Variants in PRKG1 observed in about 807,000 individuals in gnomAD.
The protein encoded by PRKG1 is cGMP-dependent protein kinase 1.
A neutral mutation model predicts 88.1 loss-of-function variants in PRKG1; 35 were observed. The ratio of observed to expected loss-of-function variants is 0.40; its 90% CI spans 0.30 to 0.53. The LOEUF (loss-of-function observed/expected upper bound fraction) is 0.53, where lower values mean the gene tolerates loss of function less well. PRKG1 is among the 20% of genes least tolerant of loss of function. The probability of loss-of-function intolerance (pLI) is 0.59; values close to 1 mark genes in which losing one functional copy is unlikely to be tolerated. For missense variants in PRKG1, 540 were observed against 839.8 expected, an observed-to-expected ratio of 0.64 and a Z score of 4.41; for synonymous variants, 303 against 292.5, an observed-to-expected ratio of 1.04 and a Z score of -0.37.
chr10:51,507,779 G>T (rs1841268332), intron 3 of PRKG1, among the ~76,000 whole-genome samples: 1 of 152,078 alleles, frequency 6.6e-6, no homozygotes, highest in South Asian at 2.1e-4. Context: ...GAAAAGGAAG[G>T]CTAGAGCTCT....
chr10:51,019,376 CA>C (rs1350807230), intron 1 of PRKG1, among the ~76,000 whole-genome samples: 1 of 151,960 alleles, frequency 6.6e-6, no homozygotes, highest in African/African-American at 2.4e-5. Context: ...ACAAGGCTAC[CA>C]AGACCATTCA....
At chr10:51,218,608 C>G (rs1209434969) in intron 2 of PRKG1, among the ~76,000 whole-genome samples, 1 of 146,282 alleles carries the variant, frequency 6.8e-6, no homozygotes, top group African/African-American at 2.5e-5. Flanking sequence ...AAAACAAGAT[C>G]AGTGATGGGT....
At chr10:51,050,370 C>T (rs1407223481) in intron 1 of PRKG1, among the ~76,000 whole-genome samples, 1 of 152,036 alleles carries the variant, frequency 6.6e-6, no homozygotes, top group Non-Finnish European at 1.5e-5. Flanking sequence ...TCTGCCTCTA[C>T]ACATCTGACT....
At chr10:52,101,489 T>C (rs762207435) in intron 7 of PRKG1, among the ~76,000 whole-genome samples, 4 of 152,178 alleles carry the variant, frequency 2.6e-5, no homozygotes, top group Non-Finnish European at 5.9e-5. Flanking sequence ...ACTGCATAAA[T>C]TCATATAAAC....
At chr10:52,103,630 T>C (rs1847346444) in intron 7 of PRKG1, among the ~76,000 whole-genome samples, 1 of 152,112 alleles carries the variant, frequency 6.6e-6, no homozygotes, top group Non-Finnish European at 1.5e-5. Flanking sequence ...TCAACAGCAG[T>C]CTATTAGTAG....
intron 2 of PRKG1, among the ~76,000 whole-genome samples, chr10:51,268,424 C>A (rs1347969823): frequency 2.0e-5 from 3 of 152,064 alleles, no homozygotes; most frequent in Non-Finnish European, 4.4e-5. Flanking sequence ...AGACGGCTGC[C>A]CCTGAAGCGG....
At chr10:51,309,346 A>G (rs746154242) in intron 2 of PRKG1, among the ~76,000 whole-genome samples, 1 of 152,202 alleles carries the variant, frequency 6.6e-6, no homozygotes, top group African/African-American at 2.4e-5. Context: ...CATCCAACAG[A>G]AAACTAATAT....
At chr10:51,951,536 T>C (rs1244307434) in intron 5 of PRKG1, among the ~76,000 whole-genome samples, 4 of 152,208 alleles carry the variant, frequency 2.6e-5, no homozygotes, top group African/African-American at 9.6e-5. Context: ...CACATGTATT[T>C]ATAATAAATA....
intron 9 of PRKG1, among the ~76,000 whole-genome samples, chr10:52,231,938 A>G (rs12359152): frequency 2.6e-5 from 4 of 152,348 alleles, no homozygotes; most frequent in Admixed American, 6.5e-5. Flanking sequence ...TTTAGGGGGA[A>G]AAAAGTTAAC....
intron 2 of PRKG1, among the ~76,000 whole-genome samples, chr10:51,441,447 A>G (rs900976453): frequency 2.6e-5 from 4 of 151,910 alleles, no homozygotes; most frequent in Non-Finnish European, 5.9e-5. Flanking sequence ...AATTCTATTG[A>G]CATTCCTCCC....
intron 2 of PRKG1, among the ~76,000 whole-genome samples, chr10:51,275,049 TCA>T: frequency 6.6e-6 from 1 of 152,238 alleles, no homozygotes; most frequent in Non-Finnish European, 1.5e-5. Context: ...CGTGAATGAC[TCA>T]GTCTTTCTAA....
At chr10:52,244,014 A>T (rs751761058) in intron 9 of PRKG1, among the ~76,000 whole-genome samples, 8 of 152,136 alleles carry the variant, frequency 5.3e-5, no homozygotes, top group Non-Finnish European at 1.0e-4. Flanking sequence ...TGAAGAAGAG[A>T]TTATATTTTC....
intron 2 of PRKG1, among the ~76,000 whole-genome samples, chr10:51,189,516 C>A (rs1446743774): frequency 6.6e-6 from 1 of 151,792 alleles, no homozygotes; most frequent in Non-Finnish European, 1.5e-5. Context: ...GGAGCTCACC[C>A]ATATTTTGTT....
At chr10:52,162,094 C>G (rs1252667570) in intron 9 of PRKG1, 131 bp downstream of exon 9, 1 of 726,712 alleles carries the variant, frequency 1.4e-6, no homozygotes, top group Non-Finnish European at 2.3e-6. Context: ...GACAAAGAAG[C>G]AAACTCTTCA....
chr10:52,080,551 A>G (rs1334362072), intron 7 of PRKG1, among the ~76,000 whole-genome samples: 1 of 152,164 alleles, frequency 6.6e-6, no homozygotes, highest in Non-Finnish European at 1.5e-5. Flanking sequence ...GCAAACTGAG[A>G]CTTAGTACAT....
intron 5 of PRKG1, among the ~76,000 whole-genome samples, chr10:51,943,028 A>G (rs375150956): frequency 2.6e-5 from 4 of 151,984 alleles, no homozygotes; most frequent in African/African-American, 9.7e-5. Flanking sequence ...CATTGAATCT[A>G]TAAATTACCT....
chr10:52,113,150 C>A (rs1847605277), intron 7 of PRKG1, among the ~76,000 whole-genome samples: 1 of 152,150 alleles, frequency 6.6e-6, no homozygotes, highest in African/African-American at 2.4e-5. Flanking sequence ...GAAATTGGCA[C>A]ATGGTGATCA....
intron 5 of PRKG1, among the ~76,000 whole-genome samples, chr10:52,007,093 G>A (rs531423112): frequency 1.7e-4 from 26 of 152,136 alleles, no homozygotes; most frequent in African/African-American, 6.3e-4. Flanking sequence ...AATTTGTTAC[G>A]ACTAGACCTG....
At chr10:52,189,289 A>G (rs1589686957) in intron 9 of PRKG1, among the ~76,000 whole-genome samples, 1 of 152,130 alleles carries the variant, frequency 6.6e-6, no homozygotes, top group South Asian at 2.1e-4. Flanking sequence ...TTACTTCGCA[A>G]TCCTTCCCCA....
Sources: gnomAD v4.1 joint callset for allele counts (sites outside exome capture counted in the v4.1 genomes callset) on GRCh38, gnomAD v4.1.1 for gene constraint, MANE v1.5 for transcripts, NCBI Gene and HGNC (gene_info 2026-07-23, HGNC 2026-07-21) for gene names.